The following DENND4A variants were observed in gnomAD, a reference collection of about 807,000 sequenced individuals.
The protein encoded by DENND4A is C-myc promoter-binding protein.
DENND4A carries 70 observed loss-of-function variants against 199.3 expected under a neutral mutation model. The ratio of observed to expected loss-of-function variants is 0.35; its 90% CI spans 0.29 to 0.43. DENND4A has a LOEUF of 0.43. Ranked by LOEUF, DENND4A falls within the 20% of genes least tolerant of loss-of-function variation. The probability of loss-of-function intolerance (pLI) is 1.00; values close to 1 mark genes in which losing one functional copy is unlikely to be tolerated. For synonymous variants in DENND4A, 686 were observed against 766.9 expected (o/e 0.89, Z 1.74); for missense variants, 1,723 against 2,255.8 (o/e 0.76, Z 4.78).
intron 1 of DENND4A, among the ~76,000 whole-genome samples, chr15:65,769,781 A>G (rs2077083415): frequency 6.6e-6 from 1 of 152,046 alleles, no homozygotes; most frequent in South Asian, 2.1e-4. Context: ...AAGCCACCCT[A>G]TCCAGCATTC....
chr15:65,715,341 CTTTCA>C, intron 14 of DENND4A, 132 bp downstream of exon 14: 4 of 844,788 alleles, frequency 4.7e-6, no homozygotes, highest in Non-Finnish European at 6.7e-6. Context: ...GCTACCAAAA[CTTTCA>C]TTTAAGTGGT....
intron 3 of DENND4A, 33 bp from the exon 4 acceptor site, chr15:65,752,661 A>C: frequency 1.5e-6 from 2 of 1,324,330 alleles, no homozygotes; most frequent in Middle Eastern, 4.6e-4. Context: ...AAATACACAA[A>C]GCACTTTAAA....
At chr15:65,781,138 T>G (rs1418619676) in intron 1 of DENND4A, among the ~76,000 whole-genome samples, 1 of 152,134 alleles carries the variant, frequency 6.6e-6, no homozygotes, top group East Asian at 1.9e-4. Flanking sequence ...AAGGACTACA[T>G]AAGCAATGGT....
chr15:65,788,930 C>G (rs1043556348), intron 1 of DENND4A, among the ~76,000 whole-genome samples: 52 of 150,656 alleles, frequency 3.5e-4, no homozygotes, highest in Non-Finnish European at 6.4e-4. Context: ...AAAAATTACC[C>G]ATAATCCGAT....
At chr15:65,741,605 G>A (rs2076264098) in intron 5 of DENND4A, 110 bp downstream of exon 5, 1 of 703,414 alleles carries the variant, frequency 1.4e-6, no homozygotes, top group Non-Finnish European at 2.3e-6. Flanking sequence ...GATACGGATT[G>A]TAGTCCCAGT....
At chr15:65,709,848 AGTC>A in intron 14 of DENND4A, among the ~76,000 whole-genome samples, 1 of 151,234 alleles carries the variant, frequency 6.6e-6, no homozygotes, top group South Asian at 2.1e-4. Context: ...TTTTCTGAGT[AGTC>A]ATTAAAATCT....
chr15:65,702,471 G>A lies in DENND4A; in HGVS notation c.2264C>T (p.Ser755Phe). The change falls in exon 17 of 33, where the codon TCC becomes TTC. Residue 755 changes from serine to phenylalanine, a missense_variant. Physicochemically the swap from Ser to Phe is radical, Grantham distance 155 (BLOSUM62 -2). Coordinates refer to ENST00000443035, the MANE Select transcript of DENND4A (RefSeq NM_001320835.1). ...ACACCTAGACCACATCTGAGGGATG[G>A]AAGAGTACCTCTTTGCAATTTTATG... ...SAHKIAKRYS[S>F]IPQMWSRCLL... The A allele has an allele frequency of 6.3e-6, 10 of 1,597,118 alleles. No individual in the cohort carries two copies. The highest frequency in any genetic ancestry group is 8.5e-6 in the Non-Finnish European group (10 of 1,171,614).
chr15:65,790,600 CCTA>C (rs1175738348), intron 1 of DENND4A, among the ~76,000 whole-genome samples: 4 of 152,096 alleles, frequency 2.6e-5, no homozygotes, highest in Non-Finnish European at 5.9e-5. Flanking sequence ...GTTCTGGACT[CCTA>C]CTGAGAGCTG....
At position 65,691,223 on chromosome 15, in the gene DENND4A, A is replaced by G. The variant is rs752205609; in HGVS notation, c.3371T>C (p.Leu1124Pro). The change falls in exon 23 of 33, where the codon CTT becomes CCT. Residue 1124 changes from leucine (L) to proline (P), a missense_variant. This residue lies in a region of DENND4A where 650 missense variants were observed against 738.1 expected (regional missense o/e 0.88). Transcript: ENST00000443035. ...TCTTAAAGGTGGCTTCCCAATATCA[A>G]GAGTATTTGGTCTCGTGCTTTTTGA... ...VISKSTRPNT[L>P]DIGKPPLRSK... 8.1e-6 allele frequency: 13 copies of G among 1,613,286 alleles called. No homozygotes were observed. The highest frequency in any genetic ancestry group is 1.3e-5 in the African/African-American group (1 of 74,918).
chr15:65,696,272 C>T, intron 22 of DENND4A, 94 bp downstream of exon 22: 1 of 1,444,384 alleles, frequency 6.9e-7, no homozygotes, highest in Non-Finnish European at 9.2e-7. Flanking sequence ...TTAAAATCAC[C>T]TTGGAGAATT....
chr15:65,781,607 T>C (rs563399970), intron 1 of DENND4A, among the ~76,000 whole-genome samples: 4 of 152,250 alleles, frequency 2.6e-5, no homozygotes, highest in African/African-American at 9.6e-5. Flanking sequence ...TCTTCCTTGG[T>C]TGATGAAGTC....
intron 1 of DENND4A, chr15:65,771,409 G>A: frequency 1.9e-6 from 3 of 1,582,626 alleles, no homozygotes; most frequent in Non-Finnish European, 2.6e-6. Context: ...TAAAGTCCTT[G>A]CTGACATAAT....
intron 11 of DENND4A, among the ~76,000 whole-genome samples, chr15:65,727,653 T>A (rs1444965126): frequency 1.3e-5 from 2 of 152,042 alleles, no homozygotes; most frequent in African/African-American, 4.8e-5. Flanking sequence ...CTACTTCACA[T>A]TTACATATTT....
At chr15:65,744,748 A>G (rs933217231) in intron 4 of DENND4A, among the ~76,000 whole-genome samples, 3 of 152,220 alleles carry the variant, frequency 2.0e-5, no homozygotes, top group Non-Finnish European at 4.4e-5. Flanking sequence ...CTTTGTATCT[A>G]TTTTGAATGT....
In DENND4A at chr15:65,756,209, C is replaced by T. The variant is rs1183936616; in HGVS notation, c.242G>A (p.Ser81Asn). 6.2e-7 allele frequency: 1 copy of T among 1,611,834 alleles called. No homozygotes were observed. The highest frequency in any genetic ancestry group is 8.5e-7 in the Non-Finnish European group (1 of 1,178,858). ...TGLSADLNNG[S>N]LVGPQIYLCY... ...AAGGTAAATCTGTGGCCCCACAAGA[C>T]TTCCATTATTAAGATCAGCTGACAA... Residue 81 changes from serine (S) to asparagine (N), a missense_variant, in exon 3 of 33, where the codon AGT (serine) becomes AAT (asparagine). By Grantham distance (46) the Ser-to-Asn change is conservative (BLOSUM62 1). Around this residue, in one of 6 missense-constraint regions of DENND4A, gnomAD observed 725 missense variants for 952.9 expected, o/e 0.76. Coordinates refer to ENST00000443035, the MANE Select transcript of DENND4A (RefSeq NM_001320835.1).
In DENND4A at chr15:65,690,526, T is replaced by C; in HGVS notation, c.4068A>G (p.Leu1356=). 1 of 1,613,548 alleles carries C rather than the reference T, an allele frequency of 6.2e-7. No individual in the cohort carries two copies. The highest frequency in any genetic ancestry group is 8.5e-7 in the Non-Finnish European group (1 of 1,179,628). ...SSPSFNLDTL[L]VPKLDVLRNS... ...TTCTTAGAACATCTAGTTTAGGTAC[T>C]AGTAGTGTATCTAAGTTAAATGAAG... Residue 1356 remains leucine, a synonymous_variant, in exon 23 of 33, where the codon CTA becomes CTG. Coordinates refer to ENST00000443035, the MANE Select transcript of DENND4A (RefSeq NM_001320835.1).
chr15:65,772,046 C>T, intron 1 of DENND4A: 2 of 1,316,818 alleles, frequency 1.5e-6, no homozygotes, highest in Non-Finnish European at 2.2e-6. Context: ...TCTCGGCCTT[C>T]TGCAGGAAAC....
intron 3 of DENND4A, among the ~76,000 whole-genome samples, chr15:65,754,876 C>T (rs1393002634): frequency 1.3e-5 from 2 of 152,148 alleles, no homozygotes; most frequent in African/African-American, 4.8e-5. Context: ...CATGGAATTA[C>T]CATTACGATC....
chr15:65,702,761 T>G, intron 16 of DENND4A, 112 bp downstream of exon 16: 1 of 1,113,878 alleles, frequency 9.0e-7, no homozygotes, highest in Non-Finnish European at 1.3e-6. Flanking sequence ...TTGGTGAACA[T>G]AATAATCTAG....
Sources: gnomAD v4.1 joint callset for allele counts (sites outside exome capture counted in the v4.1 genomes callset) on GRCh38, gnomAD v4.1.1 for gene constraint, gnomAD v4.1.1 regional missense constraint, MANE v1.5 for transcripts, NCBI Gene and HGNC (gene_info 2026-07-23, HGNC 2026-07-21) for gene names.